Variants in RIMS2 observed in about 807,000 individuals in gnomAD.
The protein encoded by RIMS2 is regulating synaptic membrane exocytosis 2.
RIMS2 carries 59 observed loss-of-function variants against 174.4 expected under a neutral mutation model. That is an observed-to-expected ratio of 0.34 (90% CI 0.27 to 0.42). The LOEUF is 0.42. RIMS2 is among the 10% of genes least tolerant of loss of function. The pLI is 1.00. For missense variants in RIMS2, 1,620 were observed against 1,666.3 expected, an observed-to-expected ratio of 0.97 and a Z score of 0.48; for synonymous variants, 606 against 572.5, an observed-to-expected ratio of 1.06 and a Z score of -0.84.
intron 4 of RIMS2, among the ~76,000 whole-genome samples, chr8:103,890,328 T>G (rs536343728): frequency 6.6e-6 from 1 of 152,152 alleles, no homozygotes; most frequent in East Asian, 1.9e-4. Flanking sequence ...CACTGAATAC[T>G]GAACACCAAT....
At chr8:104,078,148 A>G (rs2097335740) in intron 19 of RIMS2, among the ~76,000 whole-genome samples, 1 of 143,776 alleles carries the variant, frequency 7.0e-6, no homozygotes, top group Admixed American at 6.8e-5. Flanking sequence ...TCAAAAACAA[A>G]CAAAAAAAAC....
chr8:104,165,496 T>A (rs953067176), intron 19 of RIMS2, among the ~76,000 whole-genome samples: 2 of 152,142 alleles, frequency 1.3e-5, no homozygotes, highest in Non-Finnish European at 2.9e-5. Context: ...TGTTTTTTTT[T>A]AATGGAATAT....
At chr8:103,698,765 C>T (rs2097135848) in intron 2 of RIMS2, among the ~76,000 whole-genome samples, 1 of 152,068 alleles carries the variant, frequency 6.6e-6, no homozygotes, top group African/African-American at 2.4e-5. Context: ...GCCATGGTGC[C>T]TGTCTGATTT....
At chr8:104,145,671 C>CAATAAATAAATAAATAAATAAATA (rs61691382) in intron 19 of RIMS2, among the ~76,000 whole-genome samples, 42 of 132,696 alleles carry the variant, frequency 3.2e-4, no homozygotes, top group African/African-American at 7.0e-4. Flanking sequence ...ACTAAAAATA[C>CAATAAATAAATAAATAAATAAATA]AATAAATAAA....
At chr8:103,507,863 T>A (rs1424431858) in intron 1 of RIMS2, among the ~76,000 whole-genome samples, 1 of 152,060 alleles carries the variant, frequency 6.6e-6, no homozygotes, top group African/African-American at 2.4e-5. Context: ...ACAGAAGGCT[T>A]TGGATAGAAA....
intron 3 of RIMS2, among the ~76,000 whole-genome samples, chr8:103,813,153 T>C (rs533914209): frequency 7.8e-4 from 119 of 152,216 alleles, no homozygotes; most frequent in Non-Finnish European, 1.2e-3. Context: ...TTAATAGAAA[T>C]GCTTTGGTAC....
chr8:104,094,401 T>G, intron 19 of RIMS2: 1 of 582,026 alleles, frequency 1.7e-6, no homozygotes, highest in Non-Finnish European at 3.0e-6. Context: ...TTCTGTTTAA[T>G]TTCATAAGTG....
At chr8:104,126,922 G>A (rs2132662367) in intron 19 of RIMS2, among the ~76,000 whole-genome samples, 1 of 152,248 alleles carries the variant, frequency 6.6e-6, no homozygotes, top group Non-Finnish European at 1.5e-5. Flanking sequence ...AGGGATTAGA[G>A]AGGAATGGCA....
chr8:104,102,905 C>A (rs1190341226), intron 19 of RIMS2, among the ~76,000 whole-genome samples: 1 of 152,132 alleles, frequency 6.6e-6, no homozygotes, highest in Non-Finnish European at 1.5e-5. Context: ...AACCATATAA[C>A]AAGCTCATTA....
intron 19 of RIMS2, among the ~76,000 whole-genome samples, chr8:104,050,915 A>G (rs1275561682): frequency 6.6e-6 from 1 of 152,110 alleles, no homozygotes; most frequent in East Asian, 1.9e-4. Flanking sequence ...CTATACTTCT[A>G]TATCTGTGAT....
chr8:103,809,719 G>GT (rs2098674656), intron 3 of RIMS2, among the ~76,000 whole-genome samples: 1 of 152,124 alleles, frequency 6.6e-6, no homozygotes, highest in Non-Finnish European at 1.5e-5. Flanking sequence ...CAACAAGTGG[G>GT]GAGGCTCCAT....
At position 103,961,156 on chromosome 8, in the gene RIMS2, A is replaced by G. The variant is rs370386672; in HGVS notation, c.2770+23A>G. ...CAGGTAAGAATTTTAGAATTATTTT[A>G]TAGTATTAAAAAGGGAGTGCAATTC... On this transcript the variant is annotated intron_variant, in intron 15 of 23. Coordinates refer to ENST00000504942, the Ensembl canonical transcript of RIMS2. 1.1e-4 allele frequency: 113 copies of G among 1,044,076 alleles called. 1 individual carries two copies. The highest frequency in any genetic ancestry group is 1.6e-4 in the Non-Finnish European group (107 of 664,572). 64.7% of individuals were successfully genotyped at this position (1,044,076 alleles called of 1,614,324 possible). A position where few individuals can be genotyped will look rare whatever the true frequency, so the allele number is the denominator to read the frequency against.
chr8:103,730,124 T>C (rs984253887), intron 2 of RIMS2, among the ~76,000 whole-genome samples: 5 of 152,194 alleles, frequency 3.3e-5, no homozygotes, highest in Non-Finnish European at 7.4e-5. Context: ...CCAGGATGAT[T>C]TGTCCAGTGC....
chr8:103,615,866 T>G (rs1478481338), intron 1 of RIMS2, among the ~76,000 whole-genome samples: 1 of 152,042 alleles, frequency 6.6e-6, no homozygotes, highest in Non-Finnish European at 1.5e-5. Context: ...GCTCCAAAAT[T>G]GAATCAGTAG....
At chr8:103,752,580 C>T (rs1306584669) in intron 2 of RIMS2, among the ~76,000 whole-genome samples, 3 of 152,124 alleles carry the variant, frequency 2.0e-5, no homozygotes, top group Non-Finnish European at 4.4e-5. Flanking sequence ...GAATGTTCTT[C>T]CATTTGTTTG....
intron 1 of RIMS2, among the ~76,000 whole-genome samples, chr8:103,575,204 T>G (rs1327901158): frequency 6.6e-6 from 1 of 152,158 alleles, no homozygotes; most frequent in African/African-American, 2.4e-5. Context: ...CTCAACTTCA[T>G]TAGTCGCAGT....
intron 14 of RIMS2, among the ~76,000 whole-genome samples, chr8:103,959,726 C>G (rs979662552): frequency 6.6e-6 from 1 of 151,960 alleles, no homozygotes; most frequent in Admixed American, 6.6e-5. Context: ...GTATCTCTAC[C>G]TTTTCTTCCA....
intron 19 of RIMS2, among the ~76,000 whole-genome samples, chr8:104,175,446 G>A (rs546341899): frequency 9.8e-4 from 149 of 151,936 alleles, no homozygotes; most frequent in Non-Finnish European, 1.9e-3. Context: ...TCCTTTTATT[G>A]TGTTACAATC....
intron 19 of RIMS2, among the ~76,000 whole-genome samples, chr8:104,191,761 T>TATC (rs2098998979): frequency 6.6e-6 from 1 of 152,128 alleles, no homozygotes; most frequent in African/African-American, 2.4e-5. Flanking sequence ...AAAATTCTTT[T>TATC]ATTATTATTA....
Sources: allele counts gnomAD v4.1 joint callset (sites outside exome capture counted in the v4.1 genomes callset), GRCh38; gene constraint gnomAD v4.1.1; transcripts MANE v1.5; gene names NCBI Gene and HGNC (gene_info 2026-07-23, HGNC 2026-07-21).